Variants in SCARB2 observed in about 807,000 individuals in gnomAD.
The protein encoded by SCARB2 is lysosome membrane protein 2.
SCARB2 carries 29 observed loss-of-function variants against 58.6 expected under a neutral mutation model. The ratio of observed to expected loss-of-function variants is 0.49; its 90% CI spans 0.37 to 0.67. The LOEUF is 0.67. Among genes scored for constraint, SCARB2 ranks in the 30% least tolerant of loss-of-function variants. SCARB2 has a pLI of 0.00. For synonymous variants in SCARB2, 195 were observed against 210.1 expected (o/e 0.93, Z 0.62); for missense variants, 488 against 578.5 (o/e 0.84, Z 1.60).
intron 1 of SCARB2, among the ~76,000 whole-genome samples, chr4:76,197,007 G>C (rs984824040): frequency 1.3e-5 from 2 of 152,174 alleles, no homozygotes; most frequent in African/African-American, 4.8e-5. Context: ...AGGAAACTGG[G>C]ACACAGACAA....
chr4:76,167,739 T>G (rs1314122746), intron 9 of SCARB2, among the ~76,000 whole-genome samples: 3 of 130,948 alleles, frequency 2.3e-5, no homozygotes, highest in Non-Finnish European at 3.1e-5. Context: ...TGGAGTGCAG[T>G]GCCACCATCT....
intron 2 of SCARB2, chr4:76,194,011 G>A (rs1348942123): frequency 6.6e-6 from 1 of 152,190 alleles, no homozygotes; most frequent in Non-Finnish European, 1.5e-5. Flanking sequence ...GATCCCTCAA[G>A]GTTTGGTGCT....
At position 76,213,460 on chromosome 4, in the gene SCARB2, GA is replaced by G; in HGVS notation, c.83del (p.Val28AlafsTer6). ...TACTCTGGTCTACAGCCTTCTGGAA[GA>G]CCCGGGCCACCAGCAGCGTGACGCT... ...VTSVTLLVAR[V>X]FQKAVDQSIE... is the part of the protein sequence containing the mutation. On this transcript the variant is annotated frameshift_variant, in exon 1 of 12. Transcript: ENST00000264896. LOFTEE classifies it high-confidence loss of function. 4 of 1,610,608 alleles carry G rather than the reference GA, an allele frequency of 2.5e-6. No individual in the cohort carries two copies. The highest frequency in any genetic ancestry group is 3.4e-6 in the Non-Finnish European group (4 of 1,178,452).
Position 76,213,493 on chromosome 4 carries a change from C to G in SCARB2, c.51G>C (p.Leu17=). 6.2e-7 allele frequency: 1 copy of G among 1,611,234 alleles called. No individual in the cohort carries two copies. The highest frequency in any genetic ancestry group is 8.5e-7 in the Non-Finnish European group (1 of 1,178,900). Residue 17 remains leucine, a synonymous_variant, in exon 1 of 12, where the codon CTG becomes CTC. Coordinates refer to ENST00000264896, the MANE Select transcript of SCARB2 (RefSeq NM_005506.4). ...CCACCAGCAGCGTGACGCTGGTCACCAGCAGGAGCAGGGACAACGTCCCCG... is the reference window on the plus strand; with the variant it reads ...CCACCAGCAGCGTGACGCTGGTCACGAGCAGGAGCAGGGACAACGTCCCCG... The part of the protein sequence containing the change: ...YTAGTLSLLL[L]VTSVTLLVAR...
intron 7 of SCARB2, chr4:76,173,940 T>C (rs1732187582): frequency 1.6e-6 from 1 of 638,430 alleles, no homozygotes; most frequent in Non-Finnish European, 2.8e-6. Context: ...TTTTTGTTTG[T>C]TTTGTTTTTT....
chr4:76,177,659 G>A (rs1732279989), intron 4 of SCARB2, among the ~76,000 whole-genome samples: 2 of 152,072 alleles, frequency 1.3e-5, no homozygotes, highest in Non-Finnish European at 2.9e-5. Context: ...TAAGCAAAAT[G>A]TGGTATATCT....
At chr4:76,168,528 C>A (rs1486931663) in intron 8 of SCARB2, 52 bp from the exon 9 acceptor site, 6 of 1,462,810 alleles carry the variant, frequency 4.1e-6, no homozygotes, top group African/African-American at 2.8e-5. Context: ...AAACTGCAAA[C>A]AACTTTTTCA....
Position 76,161,203 on chromosome 4 carries a change from C to A in SCARB2, c.*510G>T. 2 of 162,036 alleles carry A rather than the reference C, an allele frequency of 1.2e-5. No individual in the cohort carries two copies. The highest frequency in any genetic ancestry group is 5.8e-5 in the Admixed American group (1 of 17,292). 10.0% of individuals were successfully genotyped at this position (162,036 alleles called of 1,614,324 possible). A position where few individuals can be genotyped will look rare whatever the true frequency, so the allele number is the denominator to read the frequency against. ...TGTAATATGTTTTAGAAATCAGATG[C>A]ATTTGAATGATATATTGGATGAAGC... On this transcript the variant is annotated 3_prime_UTR_variant, in exon 12 of 12. Coordinates refer to ENST00000264896, the MANE Select transcript of SCARB2 (RefSeq NM_005506.4).
At position 76,213,558 on chromosome 4, in the gene SCARB2, ACGGGC is replaced by A. The variant is rs750675917; in HGVS notation, c.-20_-16del. The A allele has an allele frequency of 6.3e-7, 1 of 1,595,244 alleles. No homozygotes were observed. The highest frequency in any genetic ancestry group is 8.5e-7 in the Non-Finnish European group (1 of 1,170,402). On this transcript the variant is annotated 5_prime_UTR_variant, in exon 1 of 12. Coordinates refer to ENST00000264896, the MANE Select transcript of SCARB2 (RefSeq NM_005506.4). ...CATCGGCCCATTCTGTGCGCCGCTC[ACGGGC>A]CGGGCCGGGCCGCACCCGCCAGGGA... is the stretch of plus-strand genomic sequence containing the variant.
chr4:76,216,757 T>C (rs1733215043), upstream of SCARB2, among the ~76,000 whole-genome samples: 1 of 152,128 alleles, frequency 6.6e-6, no homozygotes, highest in Non-Finnish European at 1.5e-5. Context: ...CGAATGAAAA[T>C]CTCTTTCTTG....
intron 6 of SCARB2, chr4:76,174,550 T>C: frequency 2.0e-6 from 1 of 501,552 alleles, no homozygotes; most frequent in Non-Finnish European, 3.6e-6. Flanking sequence ...AAAAACAATA[T>C]GTGGTACAAA....
chr4:76,183,730 G>C (rs1429513569), intron 2 of SCARB2, among the ~76,000 whole-genome samples: 1 of 152,158 alleles, frequency 6.6e-6, no homozygotes, highest in Admixed American at 6.5e-5. Flanking sequence ...CTGGGAGGTT[G>C]GGGGGTGGGG....
chr4:76,218,762 TCTAA>T (rs1733258390), upstream of SCARB2, among the ~76,000 whole-genome samples: 1 of 152,202 alleles, frequency 6.6e-6, no homozygotes, highest in Non-Finnish European at 1.5e-5. Flanking sequence ...CGTAGTGTTG[TCTAA>T]CTAATAGAAT....
chr4:76,209,069 A>G (rs920390539), intron 1 of SCARB2, among the ~76,000 whole-genome samples: 6 of 152,338 alleles, frequency 3.9e-5, no homozygotes, highest in South Asian at 2.1e-4. Flanking sequence ...TAGATAAGTC[A>G]CTTCTATTCC....
At chr4:76,163,718 A>C in intron 10 of SCARB2, 1 of 360,824 alleles carries the variant, frequency 2.8e-6, no homozygotes, top group South Asian at 2.4e-5. Context: ...TTCCTTCCAA[A>C]AGTTTTCTCT....
At chr4:76,173,960 G>T (rs1732189199) in intron 7 of SCARB2, 184 bp downstream of exon 7, 2 of 682,364 alleles carry the variant, frequency 2.9e-6, no homozygotes, top group African/African-American at 1.8e-5. Context: ...TAGAGACAGT[G>T]GTCTCGCCAT....
intron 1 of SCARB2, among the ~76,000 whole-genome samples, chr4:76,208,443 C>G (rs567683796): frequency 6.6e-6 from 1 of 152,316 alleles, no homozygotes; most frequent in East Asian, 1.9e-4. Flanking sequence ...CTGAGCCAAT[C>G]ACATTGCTCC....
chr4:76,189,928 G>A (rs1208461339), intron 2 of SCARB2, among the ~76,000 whole-genome samples: 1 of 151,940 alleles, frequency 6.6e-6, no homozygotes, highest in Non-Finnish European at 1.5e-5. Context: ...TACAATTCAA[G>A]CTGAGATTTG....
At chr4:76,212,698 A>G (rs1436660636) in intron 1 of SCARB2, among the ~76,000 whole-genome samples, 3 of 152,258 alleles carry the variant, frequency 2.0e-5, no homozygotes, top group Non-Finnish European at 4.4e-5. Context: ...AAATCAAAAG[A>G]TGAAGTCTTC....
Sources: gnomAD v4.1 joint callset for allele counts (sites outside exome capture counted in the v4.1 genomes callset) on GRCh38, gnomAD v4.1.1 for gene constraint, MANE v1.5 for transcripts, NCBI Gene and HGNC (gene_info 2026-07-23, HGNC 2026-07-21) for gene names.